ZBTB49: variants seen among roughly 807,000 people sequenced by gnomAD.
The protein encoded by ZBTB49 is zinc finger and BTB domain-containing protein 49.
In ZBTB49, 43 loss-of-function variants were observed where a neutral mutation model predicts 57.5. That is an observed-to-expected ratio of 0.75 (90% CI 0.59 to 0.97). The LOEUF (loss-of-function observed/expected upper bound fraction) is 0.97, where lower values mean the gene tolerates loss of function less well. Among genes scored for constraint, ZBTB49 ranks in the 50% least tolerant of loss-of-function variants. The pLI is 0.00. For synonymous variants in ZBTB49, 369 were observed against 362.1 expected, an observed-to-expected ratio of 1.02 and a Z score of -0.22; for missense variants, 938 against 947.7, an observed-to-expected ratio of 0.99 and a Z score of 0.13.
Position 4,319,388 on chromosome 4 carries a change from T to G in ZBTB49, c.1622-1252T>G, listed in dbSNP as rs1424422236. Among the ~76,000 whole-genome samples the G allele has an allele frequency of 2.0e-5, 3 of 152,348 alleles. No individual in the cohort carries two copies. The East Asian group carries it at 5.8e-4, about 29-fold the overall frequency. ...AGTTGTGCAGCTCATTCTTGGCTAGTCTGTGGCCTTTGTAAGGTTATGTGC... is the reference window on the plus strand; with the variant it reads ...AGTTGTGCAGCTCATTCTTGGCTAGGCTGTGGCCTTTGTAAGGTTATGTGC... On this transcript the variant is annotated intron_variant, in intron 7 of 7. Transcript: ENST00000337872.
intron 4 of ZBTB49, among the ~76,000 whole-genome samples, chr4:4,308,886 A>G (rs1233245886): frequency 6.6e-6 from 1 of 152,254 alleles, no homozygotes; most frequent in Non-Finnish European, 1.5e-5. Flanking sequence ...GCATGAGGCC[A>G]TGAAATGCTT....
chr4:4,303,726 TTCTCTCTCTCTCTC>T (rs148456390), intron 3 of ZBTB49, among the ~76,000 whole-genome samples: 1 of 121,742 alleles, frequency 8.2e-6, no homozygotes, highest in Admixed American at 8.2e-5. Context: ...TTTTAAGGTA[TTCTCTCTCTCTCTC>T]TCTCTCTCTC....
chr4:4,302,365 G>C lies in ZBTB49; in HGVS notation c.529G>C (p.Ala177Pro). Residue 177 changes from alanine to proline, a missense_variant, in exon 3 of 8, where the codon GCT (alanine) becomes CCT (proline). Ala to Pro is a conservative substitution (Grantham distance 27). This residue lies in a region of ZBTB49 where 835 missense variants were observed against 819.1 expected (regional missense o/e 1.02). Transcript: ENST00000337872. The part of the protein sequence containing the change: ...NKTLDESHPH[A>P]SPSVNRHHSA... ...AACGTTGGATGAATCGCATCCGCATGCTTCACCATCAGTTAATCGTCATCA... is the reference window on the plus strand; with the variant it reads ...AACGTTGGATGAATCGCATCCGCATCCTTCACCATCAGTTAATCGTCATCA... 1 of 1,614,230 alleles carries C rather than the reference G, an allele frequency of 6.2e-7. No homozygotes were observed. The highest frequency in any genetic ancestry group is 1.1e-5 in the South Asian group (1 of 91,088).
Position 4,299,795 on chromosome 4 carries a change from G to T in ZBTB49, c.-19-132G>T, listed in dbSNP as rs946740506. On this transcript the variant is annotated intron_variant, in intron 1 of 7. Coordinates refer to ENST00000337872, the MANE Select transcript of ZBTB49 (RefSeq NM_145291.4). Reference sequence around the variant, plus strand: ...AACAGAGGTGTGTGTGTGTGTGTGTGTGTGTGTGTGTGTGTGAGAGAGAAA... The same window carrying T: ...AACAGAGGTGTGTGTGTGTGTGTGTTTGTGTGTGTGTGTGTGAGAGAGAAA... The T allele has an allele frequency of 1.3e-5, 9 of 711,738 alleles. No individual in the cohort carries two copies. The Admixed American group carries it at 2.3e-4, about 18-fold the overall frequency. The allele number at this position is 711,738 out of a possible 1,614,324, so 44.1% of individuals were successfully genotyped here. A position where few individuals can be genotyped will look rare whatever the true frequency, so the allele number is the denominator to read the frequency against.
At chr4:4,320,251 T>C (rs1721350500) in intron 7 of ZBTB49, among the ~76,000 whole-genome samples, 1 of 152,208 alleles carries the variant, frequency 6.6e-6, no homozygotes. Flanking sequence ...GACACTGAGA[T>C]ACTCAAAACC....
At chr4:4,291,824 C>T (rs778307719) in intron 1 of ZBTB49, among the ~76,000 whole-genome samples, 16 of 152,334 alleles carry the variant, frequency 1.1e-4, no homozygotes, top group South Asian at 2.1e-4. Context: ...ATTTCTGCTT[C>T]CTCCATTTAA....
At chr4:4,299,128 C>T (rs2920253) in intron 1 of ZBTB49, among the ~76,000 whole-genome samples, 37,967 of 152,082 alleles carry the variant, frequency 0.25, 5,247 homozygotes, top group Admixed American at 0.32. Context: ...TGACCTGACC[C>T]TCTGTCCCCT....
At chr4:4,313,546 A>C (rs1721067493) in intron 5 of ZBTB49, among the ~76,000 whole-genome samples, 1 of 152,186 alleles carries the variant, frequency 6.6e-6, no homozygotes, top group Non-Finnish European at 1.5e-5. Flanking sequence ...GGTCTGTAAC[A>C]GCCTGTGAGA....
At chr4:4,317,770 C>T (rs1033258011) in intron 7 of ZBTB49, among the ~76,000 whole-genome samples, 1 of 152,130 alleles carries the variant, frequency 6.6e-6, no homozygotes, top group Non-Finnish European at 1.5e-5. Context: ...CTGTCTTATG[C>T]GTGCTGGGCT....
At chr4:4,306,998 G>A (rs114202185) in intron 4 of ZBTB49, among the ~76,000 whole-genome samples, 1,524 of 152,324 alleles carry the variant, frequency 0.01, 29 homozygotes, top group African/African-American at 0.035. Context: ...AATGGCAAGC[G>A]CCGTGTTTGC....
intron 5 of ZBTB49, among the ~76,000 whole-genome samples, chr4:4,315,318 T>C (rs1721140445): frequency 6.6e-6 from 1 of 152,086 alleles, no homozygotes; most frequent in African/African-American, 2.4e-5. Flanking sequence ...CCTTTTTCAC[T>C]CTCTTTGTGG....
intron 2 of ZBTB49, among the ~76,000 whole-genome samples, chr4:4,300,594 G>T (rs777907643): frequency 1.3e-5 from 2 of 151,174 alleles, no homozygotes; most frequent in Non-Finnish European, 2.9e-5. Context: ...TGGCTTATAT[G>T]AAATATTTAT....
intron 3 of ZBTB49, among the ~76,000 whole-genome samples, chr4:4,303,752 C>G (rs371871453): frequency 0.02 from 1,535 of 77,640 alleles, 39 homozygotes; most frequent in African/African-American, 0.069. Context: ...CTCTCTCTCT[C>G]TCTCTCTCTG....
Position 4,321,333 on chromosome 4 carries a change from A to C in ZBTB49, c.*17A>C. On this transcript the variant is annotated 3_prime_UTR_variant, in exon 8 of 8. Transcript: ENST00000337872. ...GACCAGTGATGTACCGCGCTTCTCCACGGTAGAGGCGTGTTCTCAGTTTAG... is the reference window on the plus strand; with the variant it reads ...GACCAGTGATGTACCGCGCTTCTCCCCGGTAGAGGCGTGTTCTCAGTTTAG... The C allele has an allele frequency of 1.2e-6, 2 of 1,602,708 alleles. No homozygotes were observed. Among genetic ancestry groups the C allele is most frequent in the East Asian group, 2.2e-5 (1 of 44,860 alleles).
chr4:4,290,978 C>T (rs1374092180), intron 1 of ZBTB49, among the ~76,000 whole-genome samples: 1 of 152,210 alleles, frequency 6.6e-6, no homozygotes, highest in Non-Finnish European at 1.5e-5. Flanking sequence ...AAAACAGGGT[C>T]TGGCACACAG....
In ZBTB49 at chr4:4,302,973, G is replaced by A. The variant is rs112651696; in HGVS notation, c.1137G>A (p.Pro379=). Residue 379 remains proline (P), a synonymous_variant, in exon 3 of 8, where the codon CCG becomes CCA. Coordinates refer to ENST00000337872, the MANE Select transcript of ZBTB49 (RefSeq NM_145291.4). The stretch of plus-strand genomic sequence containing the variant: ...GTGAGACGGAGAGGCCTGAAGACCC[G>A]GCTGCCCTGGAAGACCAGTCCCAGA... ...CISETERPED[P]AALEDQSQTL... is the part of the protein sequence containing the mutation. 1.5e-3 allele frequency: 2,494 copies of A among 1,614,156 alleles called. 25 individuals are homozygous for A. In the African/African-American group the frequency reaches 0.028, roughly 18 times the overall value.
At position 4,306,116 on chromosome 4, in the gene ZBTB49, TTGTTG is replaced by T. The variant is rs1415395666; in HGVS notation, c.1256-20_1256-16del. 2 of 1,607,094 alleles carry T rather than the reference TTGTTG, an allele frequency of 1.2e-6. No homozygotes were observed. Among genetic ancestry groups the T allele is most frequent in the Non-Finnish European group, 1.7e-6 (2 of 1,176,232 alleles). The stretch of plus-strand genomic sequence containing the variant: ...CAAATACTAGTAATGATTTTACAAG[TTGTTG>T]TTTTGTTTTGTTTTAGGTGAGAAAC... On this transcript the variant is annotated splice_polypyrimidine_tract_variant and intron_variant, in intron 3 of 7. Transcript: ENST00000337872.
At chr4:4,312,218 G>C (rs1721006936) in intron 4 of ZBTB49, among the ~76,000 whole-genome samples, 1 of 151,992 alleles carries the variant, frequency 6.6e-6, no homozygotes, top group Admixed American at 6.6e-5. Flanking sequence ...TTAAAATGAG[G>C]AAAATAAAGG....
intron 4 of ZBTB49, among the ~76,000 whole-genome samples, chr4:4,306,869 C>T (rs925673962): frequency 2.6e-5 from 4 of 152,224 alleles, no homozygotes; most frequent in Non-Finnish European, 5.9e-5. Flanking sequence ...TGCTCCAGGG[C>T]GTGAGGGCGC....
Sources: allele counts gnomAD v4.1 joint callset (sites outside exome capture counted in the v4.1 genomes callset), GRCh38; gene constraint gnomAD v4.1.1; regional missense constraint gnomAD v4.1.1; transcripts MANE v1.5; gene names NCBI Gene and HGNC (gene_info 2026-07-23, HGNC 2026-07-21).